RAB7A: variants seen among roughly 807,000 people sequenced by gnomAD.
The protein encoded by RAB7A is ras-related protein Rab-7a.
Under a neutral mutation model 24.5 loss-of-function variants are expected in RAB7A, and 2 were observed. The observed-to-expected ratio is 0.08, with a 90% CI of 0.03 to 0.26. The LOEUF (loss-of-function observed/expected upper bound fraction) is 0.26, where lower values mean the gene tolerates loss of function less well. Ranked by LOEUF, RAB7A falls within the 10% of genes least tolerant of loss-of-function variation. RAB7A has a pLI of 1.00. For missense variants in RAB7A, 118 were observed against 255.7 expected (o/e 0.46, Z 3.67); for synonymous variants, 100 against 95.9 (o/e 1.04, Z -0.25).
chr3:128,807,708 T>G (rs755075633), intron 5 of RAB7A, 37 bp downstream of exon 5: 1 of 1,613,660 alleles, frequency 6.2e-7, no homozygotes, highest in South Asian at 1.1e-5. Context: ...ACTCTGGTGA[T>G]GCCTGACCAC....
At chr3:128,738,458 A>G (rs1392249938) in intron 1 of RAB7A, among the ~76,000 whole-genome samples, 1 of 151,970 alleles carries the variant, frequency 6.6e-6, no homozygotes, top group East Asian at 1.9e-4. Flanking sequence ...CCTTTTCCTT[A>G]CCACACTTTG....
chr3:128,769,623 A>C (rs2070865623), intron 1 of RAB7A, among the ~76,000 whole-genome samples: 1 of 152,228 alleles, frequency 6.6e-6, no homozygotes, highest in Non-Finnish European at 1.5e-5. Flanking sequence ...AGAAGCTCTT[A>C]GTGTTGATGA....
chr3:128,727,529 A>C (rs1045902594), intron 1 of RAB7A, among the ~76,000 whole-genome samples: 2 of 152,210 alleles, frequency 1.3e-5, no homozygotes, highest in African/African-American at 4.8e-5. Flanking sequence ...GCCGTTTGCG[A>C]CTTATCACAC....
chr3:128,784,288 A>C (rs1436522875), intron 1 of RAB7A, among the ~76,000 whole-genome samples: 1 of 152,200 alleles, frequency 6.6e-6, no homozygotes, highest in African/African-American at 2.4e-5. Flanking sequence ...TCTTGGTCCC[A>C]TGAGACATAA....
chr3:128,807,713 G>A (rs765477053), intron 5 of RAB7A, 42 bp downstream of exon 5: 17 of 1,613,254 alleles, frequency 1.1e-5, no homozygotes, highest in Non-Finnish European at 1.4e-5. Context: ...GGTGATGCCT[G>A]ACCACTGACC....
At chr3:128,807,945 G>T (rs1264762960) in intron 5 of RAB7A, among the ~76,000 whole-genome samples, 2 of 152,172 alleles carry the variant, frequency 1.3e-5, no homozygotes, top group African/African-American at 4.8e-5. Context: ...GCTGTGATTA[G>T]GAGATCAGGT....
At chr3:128,807,411 C>T (rs749376672) in intron 4 of RAB7A, 132 bp from the exon 5 acceptor site, 1 of 1,368,218 alleles carries the variant, frequency 7.3e-7, no homozygotes, top group Non-Finnish European at 1.0e-6. Context: ...TCCTCCAACA[C>T]CCTCTTTCCC....
chr3:128,789,031 T>C (rs552335393), intron 1 of RAB7A, among the ~76,000 whole-genome samples: 17 of 152,364 alleles, frequency 1.1e-4, no homozygotes, highest in African/African-American at 4.1e-4. Flanking sequence ...GTACCAATAC[T>C]GGTAGTTTCG....
intron 1 of RAB7A, among the ~76,000 whole-genome samples, chr3:128,736,581 A>G (rs1321176232): frequency 6.6e-6 from 1 of 152,220 alleles, no homozygotes; most frequent in East Asian, 1.9e-4. Context: ...GCAAAGGGAA[A>G]AAGAACTGTT....
At chr3:128,783,608 G>A (rs1052953945) in intron 1 of RAB7A, among the ~76,000 whole-genome samples, 3 of 152,156 alleles carry the variant, frequency 2.0e-5, no homozygotes, top group Admixed American at 6.5e-5. Flanking sequence ...CAGGCCTCTA[G>A]CCTTGGTGGA....
chr3:128,728,447 C>T (rs1054003705), intron 1 of RAB7A, among the ~76,000 whole-genome samples: 1 of 152,146 alleles, frequency 6.6e-6, no homozygotes, highest in African/African-American at 2.4e-5. Context: ...TCCTTTTGCT[C>T]TAGTGGCATT....
chr3:128,763,208 A>ATTTTTTTTTTTTTT (rs1174944964), intron 1 of RAB7A, among the ~76,000 whole-genome samples: 2 of 76,060 alleles, frequency 2.6e-5, no homozygotes, highest in African/African-American at 8.2e-5. Flanking sequence ...ATATATATAT[A>ATTTTTTTTTTTTTT]TTTTTTTTTT....
chr3:128,763,554 A>G (rs921404017), intron 1 of RAB7A, among the ~76,000 whole-genome samples: 1 of 151,992 alleles, frequency 6.6e-6, no homozygotes, highest in Admixed American at 6.6e-5. Flanking sequence ...TTCATTAGGA[A>G]CCTTTTAATG....
At chr3:128,731,891 G>C (rs948660807) in intron 1 of RAB7A, among the ~76,000 whole-genome samples, 2 of 151,368 alleles carry the variant, frequency 1.3e-5, no homozygotes, top group Admixed American at 6.6e-5. Context: ...TGTAGTCCCA[G>C]CTATTCAGGA....
At chr3:128,739,493 A>G (rs1177896315) in intron 1 of RAB7A, among the ~76,000 whole-genome samples, 2 of 151,718 alleles carry the variant, frequency 1.3e-5, no homozygotes, top group African/African-American at 2.4e-5. Flanking sequence ...AGCCTTGCCA[A>G]CAGAGCAAGA....
At chr3:128,730,459 AC>A (rs2070424843) in intron 1 of RAB7A, among the ~76,000 whole-genome samples, 1 of 152,068 alleles carries the variant, frequency 6.6e-6, no homozygotes. Flanking sequence ...TGATCTCCTG[AC>A]CTCGTGATCC....
At chr3:128,784,759 G>A (rs995392487) in intron 1 of RAB7A, among the ~76,000 whole-genome samples, 9 of 151,984 alleles carry the variant, frequency 5.9e-5, no homozygotes, top group Non-Finnish European at 1.3e-4. Flanking sequence ...TCCCAACCAA[G>A]GTAATTACCC....
At chr3:128,762,845 CAA>C (rs1459502305) in intron 1 of RAB7A, among the ~76,000 whole-genome samples, 2 of 152,140 alleles carry the variant, frequency 1.3e-5, no homozygotes, top group Non-Finnish European at 2.9e-5. Flanking sequence ...ATATACAAAG[CAA>C]AGAGACTCAG....
Position 128,807,645 on chromosome 3 carries a change from A to G in RAB7A, c.502A>G (p.Thr168Ala), listed in dbSNP as rs1455710715. The G allele has an allele frequency of 6.8e-6, 11 of 1,614,202 alleles. No homozygotes were observed. The highest frequency in any genetic ancestry group is 9.3e-6 in the Non-Finnish European group (11 of 1,180,036). Residue 168 changes from threonine (T) to alanine (A), a missense_variant, in exon 5 of 6, where the codon ACG (threonine) becomes GCG (alanine). Physicochemically the swap from Thr to Ala is moderately conservative, Grantham distance 58 (BLOSUM62 0). Around this residue, in one of 2 missense-constraint regions of RAB7A, gnomAD observed 66 missense variants for 82.2 expected, o/e 0.80. Coordinates refer to ENST00000265062, the MANE Select transcript of RAB7A (RefSeq NM_004637.6). ...EAINVEQAFQTIARNALKQET... is the reference protein window; with the variant it reads ...EAINVEQAFQAIARNALKQET... ...CATCAACGTGGAGCAGGCGTTCCAG[A>G]CGATTGCACGGAATGCACTTAAGCA...
Sources: gnomAD v4.1 joint callset for allele counts (sites outside exome capture counted in the v4.1 genomes callset) on GRCh38, gnomAD v4.1.1 for gene constraint, gnomAD v4.1.1 regional missense constraint, MANE v1.5 for transcripts, NCBI Gene and HGNC (gene_info 2026-07-23, HGNC 2026-07-21) for gene names.